Variants in SMOC2 observed in about 807,000 individuals in gnomAD.
SMOC2 encodes SPARC related modular calcium binding 2, also known as SPARC-related modular calcium-binding protein 2.
A neutral mutation model predicts 61.4 loss-of-function variants in SMOC2; 39 were observed. That is an observed-to-expected ratio of 0.64 (90% confidence interval 0.49 to 0.83). SMOC2 has a LOEUF of 0.83. Ranked by LOEUF, SMOC2 falls within the 40% of genes least tolerant of loss-of-function variation. The pLI is 0.00. For missense variants in SMOC2, 556 were observed against 592.9 expected, an observed-to-expected ratio of 0.94 and a Z score of 0.65; for synonymous variants, 247 against 239.9, an observed-to-expected ratio of 1.03 and a Z score of -0.27.
rs1430466451 is a variant in SMOC2 at position 168,441,514 on chromosome 6, G to A, written c.84+60G>A. ...GGTGCCGCCTCTTGCAGCCGGCCGG[G>A]TTCGGGTCCCCGCGCCCCGCTCCAG... On this transcript the variant is annotated intron_variant, in intron 1 of 12. Transcript: ENST00000356284. 2.8e-6 allele frequency: 4 copies of A among 1,434,710 alleles called. No individual in the cohort carries two copies. In the African/African-American group the frequency reaches 4.5e-5, roughly 16 times the overall value. The allele number at this position is 1,434,710 out of a possible 1,614,324, so 88.9% of individuals were successfully genotyped here.
intron 1 of SMOC2, among the ~76,000 whole-genome samples, chr6:168,500,853 C>T (rs151330606): frequency 7.2e-5 from 11 of 152,336 alleles, no homozygotes; most frequent in Non-Finnish European, 1.0e-4. Context: ...TCGATTCTCA[C>T]TGGGACCCTG....
intron 2 of SMOC2, among the ~76,000 whole-genome samples, chr6:168,518,121 G>A (rs1783189401): frequency 6.6e-6 from 1 of 152,180 alleles, no homozygotes; most frequent in South Asian, 2.1e-4. Context: ...CCACAGCCTC[G>A]CCTTGGAGGA....
chr6:168,455,493 C>T (rs1388415053), intron 1 of SMOC2, among the ~76,000 whole-genome samples: 3 of 152,238 alleles, frequency 2.0e-5, no homozygotes, highest in East Asian at 3.9e-4. Context: ...GAGGCTGGGC[C>T]CTTTTCTTTC....
intron 12 of SMOC2, 131 bp downstream of exon 12, chr6:168,664,242 G>A (rs1409858836): frequency 1.2e-6 from 1 of 809,758 alleles, no homozygotes; most frequent in Non-Finnish European, 2.1e-6. Flanking sequence ...ATTCAAGGGA[G>A]GCAAGCTTAC....
chr6:168,612,678 A>T (rs147045593), intron 9 of SMOC2, among the ~76,000 whole-genome samples: 1 of 152,356 alleles, frequency 6.6e-6, no homozygotes, highest in African/African-American at 2.4e-5. Flanking sequence ...AAAAAGCCAG[A>T]ACAGTCCCTT....
intron 9 of SMOC2, among the ~76,000 whole-genome samples, chr6:168,644,362 T>C (rs551821858): frequency 6.6e-6 from 1 of 152,252 alleles, no homozygotes; most frequent in East Asian, 1.9e-4. Context: ...TGAGAATGAG[T>C]AGCCATGACA....
chr6:168,480,194 G>T (rs1326683324), intron 1 of SMOC2, among the ~76,000 whole-genome samples: 2 of 152,138 alleles, frequency 1.3e-5, no homozygotes, highest in Admixed American at 1.3e-4. Context: ...CAAATGTCCA[G>T]TTTTTAACAA....
At chr6:168,502,805 C>T (rs1164005239) in intron 1 of SMOC2, among the ~76,000 whole-genome samples, 6 of 151,804 alleles carry the variant, frequency 4.0e-5, no homozygotes, top group African/African-American at 1.2e-4. Context: ...CTTGCTCTGT[C>T]GCCCAGGCTG....
rs1009249949 is a variant in SMOC2, at chr6:168,553,270, C to T, written c.637+4067C>T. The stretch of plus-strand genomic sequence containing the variant: ...TGAAGTTGCCTGTTACTTAAAAGTG[C>T]ATTACTCAGTTTTTCCCATCAATAT... On this transcript the variant is annotated intron_variant, in intron 7 of 12. Coordinates refer to ENST00000356284, the MANE Select transcript of SMOC2 (RefSeq NM_001166412.2). This position sits in a 1 kb window ranked among gnomAD's most constrained non-coding sequence, Gnocchi z 4.2. Among the ~76,000 whole-genome samples the T allele has an allele frequency of 1.3e-5, 2 of 152,096 alleles. No individual in the cohort carries two copies. Among genetic ancestry groups the T allele is most frequent in the South Asian group, 2.1e-4 (1 of 4,820 alleles).
intron 4 of SMOC2, among the ~76,000 whole-genome samples, chr6:168,540,642 C>T (rs559705315): frequency 4.3e-4 from 65 of 152,358 alleles, no homozygotes; most frequent in African/African-American, 1.5e-3. Context: ...TTGGCACCCT[C>T]TTTCCTGTCA....
chr6:168,529,878 T>G (rs1016607649), intron 4 of SMOC2, among the ~76,000 whole-genome samples: 1 of 152,224 alleles, frequency 6.6e-6, no homozygotes, highest in African/African-American at 2.4e-5. Context: ...GGGCAGTGTC[T>G]TGATCTGTAG....
chr6:168,469,860 C>T (rs962228692), intron 1 of SMOC2, among the ~76,000 whole-genome samples: 7 of 152,312 alleles, frequency 4.6e-5, no homozygotes, highest in Admixed American at 2.0e-4. Flanking sequence ...CCACTCCATT[C>T]GGTGATATTG....
chr6:168,463,637 G>A (rs1354800537), intron 1 of SMOC2, among the ~76,000 whole-genome samples: 1 of 152,118 alleles, frequency 6.6e-6, no homozygotes, highest in Non-Finnish European at 1.5e-5. Context: ...GTGCGGCTGG[G>A]TAACATCCTG....
chr6:168,535,983 C>T lies in SMOC2; in HGVS notation c.464-7642C>T, dbSNP rs1182942069. ...CAGCTTCACGGCACAGGGGCCCGGC[C>T]GTTCTCTCTGGATTCTGGCTCGAAT... On this transcript the variant is annotated intron_variant, in intron 4 of 12. Coordinates refer to ENST00000356284, the MANE Select transcript of SMOC2 (RefSeq NM_001166412.2). The surrounding 1 kb of genome is among the most constrained non-coding windows in gnomAD (Gnocchi z 4.6). Among the ~76,000 whole-genome samples, 1 of 152,216 alleles carries T rather than the reference C, an allele frequency of 6.6e-6. No individual in the cohort carries two copies. The highest frequency in any genetic ancestry group is 2.4e-5 in the African/African-American group (1 of 41,466).
intron 9 of SMOC2, among the ~76,000 whole-genome samples, chr6:168,613,237 G>C (rs1428343460): frequency 6.6e-6 from 1 of 152,174 alleles, no homozygotes; most frequent in African/African-American, 2.4e-5. Flanking sequence ...GGGTCAGGAA[G>C]GTGCAGGGGA....
In SMOC2 at chr6:168,544,154, G is replaced by A. The variant is rs756387031; in HGVS notation, c.511+482G>A. Reference sequence around the variant, plus strand: ...AACCCTTAACCTTAAACATCATGTCGCAGCCTGCAGGTCCTGTTTCGGGGT... The same window carrying A: ...AACCCTTAACCTTAAACATCATGTCACAGCCTGCAGGTCCTGTTTCGGGGT... On this transcript the variant is annotated intron_variant, in intron 5 of 12. Coordinates refer to ENST00000356284, the MANE Select transcript of SMOC2 (RefSeq NM_001166412.2). The surrounding 1 kb of genome is among the most constrained non-coding windows in gnomAD (Gnocchi z 4.1). Among the ~76,000 whole-genome samples, 7 of 152,032 alleles carry A rather than the reference G, an allele frequency of 4.6e-5. No homozygotes were observed. Among genetic ancestry groups the A allele is most frequent in the Admixed American group, 1.3e-4 (2 of 15,262 alleles).
intron 9 of SMOC2, among the ~76,000 whole-genome samples, chr6:168,616,102 C>G (rs1786086003): frequency 6.6e-6 from 1 of 152,196 alleles, no homozygotes; most frequent in Non-Finnish European, 1.5e-5. Flanking sequence ...CTTTGAGAGC[C>G]TCACAAAGGT....
intron 9 of SMOC2, among the ~76,000 whole-genome samples, chr6:168,609,407 T>C (rs934507785): frequency 2.0e-5 from 3 of 151,600 alleles, no homozygotes; most frequent in African/African-American, 7.2e-5. Flanking sequence ...TTGCTTTCTG[T>C]TGAATGAATC....
chr6:168,634,540 G>C (rs935617166), intron 9 of SMOC2, among the ~76,000 whole-genome samples: 2 of 152,192 alleles, frequency 1.3e-5, no homozygotes, highest in Non-Finnish European at 2.9e-5. Context: ...TCACTGAAGA[G>C]AACGTTGTTT....
Sources: gnomAD v4.1 joint callset for allele counts (sites outside exome capture counted in the v4.1 genomes callset) on GRCh38, gnomAD v4.1.1 for gene constraint, Gnocchi (gnomAD v3.1) non-coding constraint, MANE v1.5 for transcripts, NCBI Gene and HGNC (gene_info 2026-07-23, HGNC 2026-07-21) for gene names.